DPYD: variants seen among roughly 807,000 people sequenced by gnomAD.
DPYD encodes dihydropyrimidine dehydrogenase [NADP(+)].
Under a neutral mutation model 116.2 loss-of-function variants are expected in DPYD, and 109 were observed. The observed-to-expected ratio is 0.94, with a 90% confidence interval of 0.80 to 1.10. The LOEUF is 1.10. Ranked by LOEUF, DPYD falls within the 50% of genes least tolerant of loss-of-function variation. The pLI is 0.00. For synonymous variants in DPYD, 440 were observed against 432.0 expected (o/e 1.02, Z -0.23); for missense variants, 1,302 against 1,254.5 (o/e 1.04, Z -0.57).
At chr1:97,226,754 G>A (rs377147517) in intron 19 of DPYD, among the ~76,000 whole-genome samples, 18 of 152,068 alleles carry the variant, frequency 1.2e-4, no homozygotes, top group Non-Finnish European at 2.6e-4. Context: ...GATACCCTAT[G>A]TTCAAGGACT....
At chr1:97,692,759 C>T (rs1275068893) in intron 6 of DPYD, among the ~76,000 whole-genome samples, 1 of 151,974 alleles carries the variant, frequency 6.6e-6, no homozygotes, top group Non-Finnish European at 1.5e-5. Flanking sequence ...ATGTGGTACG[C>T]ACAATGAGAG....
At chr1:97,324,215 T>C (rs567306732) in intron 16 of DPYD, among the ~76,000 whole-genome samples, 2 of 152,002 alleles carry the variant, frequency 1.3e-5, no homozygotes, top group Non-Finnish European at 2.9e-5. Flanking sequence ...CCATCTTGTA[T>C]CCTGCCAATA....
intron 21 of DPYD, among the ~76,000 whole-genome samples, chr1:97,086,647 T>C (rs1279469110): frequency 1.3e-5 from 2 of 152,102 alleles, no homozygotes; most frequent in Admixed American, 6.6e-5. Context: ...TATCTTAAAG[T>C]AAAACAAAAG....
chr1:97,429,681 T>C (rs1380844128), intron 14 of DPYD, among the ~76,000 whole-genome samples: 1 of 152,114 alleles, frequency 6.6e-6, no homozygotes, highest in African/African-American at 2.4e-5. Flanking sequence ...AGTGATAAAG[T>C]ATGTCTACTA....
chr1:97,718,763 C>T (rs1388572588), intron 5 of DPYD, among the ~76,000 whole-genome samples: 2 of 150,872 alleles, frequency 1.3e-5, no homozygotes, highest in Admixed American at 6.6e-5. Context: ...GCTTTTCCAA[C>T]AATTCATTAA....
intron 20 of DPYD, among the ~76,000 whole-genome samples, chr1:97,158,523 A>ACACACT (rs956515247): frequency 2.8e-5 from 4 of 145,178 alleles, no homozygotes; most frequent in Admixed American, 7.0e-5. Flanking sequence ...ACACACACAC[A>ACACACT]CTCTATCCAA....
At chr1:97,212,542 CT>C (rs1000488071) in intron 19 of DPYD, among the ~76,000 whole-genome samples, 5 of 151,968 alleles carry the variant, frequency 3.3e-5, no homozygotes, top group East Asian at 3.9e-4. Context: ...GTATGCAAGT[CT>C]TTTTTTCTGG....
In DPYD at chr1:97,767,259, A is replaced by T. The variant is rs1355190499; in HGVS notation, c.234-26780T>A. Among the ~76,000 whole-genome samples the T allele has an allele frequency of 3.9e-5, 6 of 152,276 alleles. No homozygotes were observed. In the East Asian group the frequency reaches 9.6e-4, roughly 24 times the overall value. The stretch of plus-strand genomic sequence containing the variant: ...TTTTCCTTTAGGAGAGACATGTATA[A>T]CTGAGACCAGGGATGGTAGTCTTTG... On this transcript the variant is annotated intron_variant, in intron 3 of 22. Coordinates refer to ENST00000370192, the MANE Select transcript of DPYD (RefSeq NM_000110.4).
chr1:97,875,338 C>G lies in DPYD; in HGVS notation c.150+7926G>C, dbSNP rs1472519066. Among the ~76,000 whole-genome samples the G allele has an allele frequency of 8.2e-4, 125 of 151,864 alleles. 1 individual carries two copies. Among genetic ancestry groups the G allele is most frequent in the Non-Finnish European group, 2.9e-5 (2 of 67,904 alleles). On this transcript the variant is annotated intron_variant, in intron 2 of 22. Coordinates refer to ENST00000370192, the MANE Select transcript of DPYD (RefSeq NM_000110.4). Reference sequence around the variant, plus strand: ...ATCATAAGAATCATCTGGATACAGACAGGATCTTGGATGGAGATATTCATT... The same window carrying G: ...ATCATAAGAATCATCTGGATACAGAGAGGATCTTGGATGGAGATATTCATT...
chr1:97,519,625 A>G (rs552435146), intron 12 of DPYD, among the ~76,000 whole-genome samples: 2 of 152,330 alleles, frequency 1.3e-5, no homozygotes, highest in African/African-American at 4.8e-5. Context: ...ACAATCAAAG[A>G]GACTATCTAC....
rs75910139 is a variant in DPYD, at chr1:97,348,632, G to A, written c.2058+24929C>T. Among the ~76,000 whole-genome samples, 268 of 152,238 alleles carry A rather than the reference G, an allele frequency of 1.8e-3. 5 individuals are homozygous for A. The highest frequency in any genetic ancestry group is 0.013 in the East Asian group (69 of 5,172). ...TGAGTACTGAACAGCAGAATTGCCT[G>A]GAAGGCTCATCCACAGGGCCTACAA... On this transcript the variant is annotated intron_variant, in intron 16 of 22. Coordinates refer to ENST00000370192, the MANE Select transcript of DPYD (RefSeq NM_000110.4).
chr1:97,709,648 A>G (rs1289034854), intron 5 of DPYD, among the ~76,000 whole-genome samples: 1 of 151,934 alleles, frequency 6.6e-6, no homozygotes, highest in East Asian at 1.9e-4. Flanking sequence ...CAATGCAGAG[A>G]GGAGCCACAG....
chr1:97,165,319 G>T (rs897996655), intron 20 of DPYD, among the ~76,000 whole-genome samples: 2 of 152,058 alleles, frequency 1.3e-5, no homozygotes, highest in African/African-American at 4.8e-5. Flanking sequence ...ACAAAAACAA[G>T]CAATGGGGAA....
At chr1:97,084,490 C>T (rs1023399772) in intron 21 of DPYD, among the ~76,000 whole-genome samples, 1 of 151,804 alleles carries the variant, frequency 6.6e-6, no homozygotes, top group East Asian at 1.9e-4. Flanking sequence ...TCCTCCATAT[C>T]CTCTTTCTTA....
rs147601618 is a variant in DPYD at position 97,450,168 on chromosome 1, A to G, written c.1796T>C (p.Met599Thr). 5.7e-5 allele frequency: 92 copies of G among 1,613,814 alleles called. No individual in the cohort carries two copies. Among genetic ancestry groups the G allele is most frequent in the Non-Finnish European group, 7.4e-5 (87 of 1,179,878 alleles). Reference protein sequence around the residue: ...RIIRGTTSGPMYGPGQSSFLN... With the variant: ...RIIRGTTSGPTYGPGQSSFLN... ...AAAGGAGCTTTGTCCAGGGCCATAC[A>G]TGGGGCCAGAGGTGGTTCCCCGGAT... The change falls in exon 14 of 23, where the codon ATG (methionine) becomes ACG (threonine). Residue 599 changes from methionine to threonine, a missense_variant. Transcript: ENST00000370192.
chr1:97,657,808 A>G (rs972088347), intron 8 of DPYD, among the ~76,000 whole-genome samples: 3 of 152,210 alleles, frequency 2.0e-5, no homozygotes, highest in African/African-American at 7.2e-5. Context: ...TAACTAGCAG[A>G]AAATGTTGAA....
intron 11 of DPYD, among the ~76,000 whole-genome samples, chr1:97,555,948 A>G (rs145627823): frequency 7.6e-4 from 115 of 152,284 alleles, no homozygotes; most frequent in African/African-American, 2.6e-3. Context: ...ACCATTCCAC[A>G]TCTGCATTTG....
At chr1:97,503,988 G>A (rs1044695868) in intron 13 of DPYD, among the ~76,000 whole-genome samples, 2 of 151,960 alleles carry the variant, frequency 1.3e-5, no homozygotes, top group African/African-American at 4.8e-5. Context: ...TTCCCTTACA[G>A]AAATGTTCAA....
intron 13 of DPYD, among the ~76,000 whole-genome samples, chr1:97,501,512 G>A (rs1354965681): frequency 1.3e-5 from 2 of 151,762 alleles, no homozygotes; most frequent in Non-Finnish European, 2.9e-5. Flanking sequence ...GACCAGCCTG[G>A]GCAACATAAC....
Sources: gnomAD v4.1 joint callset for allele counts (sites outside exome capture counted in the v4.1 genomes callset) on GRCh38, gnomAD v4.1.1 for gene constraint, MANE v1.5 for transcripts, NCBI Gene and HGNC (gene_info 2026-07-23, HGNC 2026-07-21) for gene names.